The following LRRC28 variants were observed in gnomAD, a reference collection of about 807,000 sequenced individuals.
LRRC28 encodes leucine-rich repeat-containing protein 28.
Under a neutral mutation model 45.7 loss-of-function variants are expected in LRRC28, and 39 were observed. The observed-to-expected ratio is 0.85, with a 90% CI of 0.66 to 1.12. The LOEUF is 1.12. LRRC28 is among the 50% of genes most tolerant of loss of function. The pLI, the probability that LRRC28 is intolerant of heterozygous loss-of-function variation, is 0.00. For synonymous variants in LRRC28, 206 were observed against 178.8 expected (o/e 1.15, Z -1.22); for missense variants, 435 against 438.5 (o/e 0.99, Z 0.07).
intron 5 of LRRC28, among the ~76,000 whole-genome samples, chr15:99,305,659 G>A (rs1437829686): frequency 1.3e-5 from 2 of 152,072 alleles, no homozygotes; most frequent in East Asian, 3.9e-4. Context: ...TTTTTTAAAA[G>A]CTCTATGATG....
At chr15:99,263,867 T>G (rs934097088) in intron 2 of LRRC28, among the ~76,000 whole-genome samples, 4 of 152,170 alleles carry the variant, frequency 2.6e-5, no homozygotes, top group Admixed American at 6.5e-5. Context: ...AGCTGCTGCT[T>G]CTTATGGAAT....
chr15:99,292,326 G>C (rs1285115048), intron 5 of LRRC28, among the ~76,000 whole-genome samples: 1 of 150,306 alleles, frequency 6.7e-6, no homozygotes, highest in Non-Finnish European at 1.5e-5. Context: ...GTGTGTGTCT[G>C]TGTTGAGCAG....
chr15:99,319,450 A>C (rs1955715781), intron 5 of LRRC28, among the ~76,000 whole-genome samples: 1 of 152,242 alleles, frequency 6.6e-6, no homozygotes, highest in Admixed American at 6.5e-5. Flanking sequence ...TTTAAAAATC[A>C]AAGACAATAT....
intron 6 of LRRC28, among the ~76,000 whole-genome samples, chr15:99,350,270 G>A (rs540866528): frequency 2.0e-5 from 3 of 152,214 alleles, no homozygotes; most frequent in East Asian, 1.9e-4. Flanking sequence ...GCTCTCATAC[G>A]TAGCTGGTAG....
At chr15:99,366,831 T>G (rs1597444046) in intron 9 of LRRC28, among the ~76,000 whole-genome samples, 2 of 152,152 alleles carry the variant, frequency 1.3e-5, no homozygotes, top group Non-Finnish European at 2.9e-5. Context: ...ACAGGAATTT[T>G]GGGGGCTATA....
intron 3 of LRRC28, among the ~76,000 whole-genome samples, chr15:99,282,177 G>GTCTTTTTTTTTTTTTTTTTTTTTTT (rs2081814879): frequency 1.0e-5 from 1 of 98,048 alleles, no homozygotes; most frequent in African/African-American, 4.8e-5. Flanking sequence ...ATTTTTGGAG[G>GTCTTTTTTTTTTTTTTTTTTTTTTT]TTTTTTTTTT....
chr15:99,305,986 C>A (rs1043808281), intron 5 of LRRC28, among the ~76,000 whole-genome samples: 1 of 152,198 alleles, frequency 6.6e-6, no homozygotes, highest in African/African-American at 2.4e-5. Context: ...TTATTTTTAA[C>A]AACATGATTA....
intron 6 of LRRC28, among the ~76,000 whole-genome samples, chr15:99,351,680 C>T (rs1176740958): frequency 1.3e-5 from 2 of 152,144 alleles, no homozygotes; most frequent in Non-Finnish European, 2.9e-5. Context: ...CACCTTTGCC[C>T]ATGGGAGGTG....
At chr15:99,378,718 A>G (rs1285525989) in intron 9 of LRRC28, among the ~76,000 whole-genome samples, 2 of 152,206 alleles carry the variant, frequency 1.3e-5, no homozygotes, top group South Asian at 2.1e-4. Context: ...CATCCCATCA[A>G]TACCTAATTT....
At chr15:99,338,470 C>G (rs1956400367) in intron 6 of LRRC28, 1 of 152,220 alleles carries the variant, frequency 6.6e-6, no homozygotes, top group Non-Finnish European at 1.5e-5. Flanking sequence ...CACATACACA[C>G]AGGCACACAC....
In LRRC28 at chr15:99,361,331, T is replaced by C. The variant is rs1957193421; in HGVS notation, c.696-5T>C. ...ATAATACTGTGAATGTGTGTCTTTCTGCAGCTGTGGTGCTCCCATTCAAGT... is the reference window on the plus strand; with the variant it reads ...ATAATACTGTGAATGTGTGTCTTTCCGCAGCTGTGGTGCTCCCATTCAAGT... On this transcript the variant is annotated splice_region_variant and splice_polypyrimidine_tract_variant and intron_variant, in intron 7 of 9. Coordinates refer to ENST00000301981, the MANE Select transcript of LRRC28 (RefSeq NM_144598.5). 2 of 1,608,590 alleles carry C rather than the reference T, an allele frequency of 1.2e-6. No individual in the cohort carries two copies. Among genetic ancestry groups the C allele is most frequent in the East Asian group, 4.5e-5 (2 of 44,828 alleles).
chr15:99,273,831 G>A (rs1038786863), intron 2 of LRRC28, among the ~76,000 whole-genome samples: 5 of 152,224 alleles, frequency 3.3e-5, no homozygotes, highest in Admixed American at 3.3e-4. Context: ...ATTAGCAGAT[G>A]AAACTAGGTG....
chr15:99,342,773 C>G (rs1396496756), intron 6 of LRRC28, among the ~76,000 whole-genome samples: 1 of 152,134 alleles, frequency 6.6e-6, no homozygotes, highest in African/African-American at 2.4e-5. Context: ...TCATTAAAAT[C>G]TATTTATTTT....
At chr15:99,323,449 A>G (rs1336049055) in intron 5 of LRRC28, among the ~76,000 whole-genome samples, 1 of 152,208 alleles carries the variant, frequency 6.6e-6, no homozygotes, top group Non-Finnish European at 1.5e-5. Context: ...GCGTTGTTTG[A>G]TAATTGCAGT....
intron 7 of LRRC28, among the ~76,000 whole-genome samples, chr15:99,359,954 C>T (rs1252118317): frequency 6.6e-6 from 1 of 152,186 alleles, no homozygotes; most frequent in African/African-American, 2.4e-5. Context: ...CTAAAGACTT[C>T]CCCATTTCTG....
intron 9 of LRRC28, among the ~76,000 whole-genome samples, chr15:99,382,185 C>G (rs546745851): frequency 2.6e-5 from 4 of 152,224 alleles, no homozygotes; most frequent in South Asian, 2.1e-4. Context: ...CCACCCAGTT[C>G]GAGCTTCCTG....
intron 6 of LRRC28, among the ~76,000 whole-genome samples, chr15:99,334,640 A>G (rs924529714): frequency 6.6e-6 from 1 of 152,180 alleles, no homozygotes; most frequent in African/African-American, 2.4e-5. Context: ...AAAAAATAAT[A>G]TATTATCCAC....
intron 2 of LRRC28, chr15:99,257,639 C>G (rs1333206867): frequency 7.0e-6 from 5 of 712,394 alleles, no homozygotes; most frequent in African/African-American, 6.9e-5. Context: ...TGTGAAGGCC[C>G]TGTGGGTGCT....
rs763301570 is a variant in LRRC28 at position 99,256,067 on chromosome 15, A to C, written c.110A>C (p.Asp37Ala). ...LHHFPLELLK[D>A]EGLQYLERLY... ...CATTTTCCATTGGAGTTACTGAAAG[A>C]TGAGGGACTGCAGTACTTGGAGAGA... Residue 37 changes from aspartate (D) to alanine (A), a missense_variant, in exon 2 of 10, where the codon GAT becomes GCT. Physicochemically the swap from Asp to Ala is moderately radical, Grantham distance 126. Transcript: ENST00000301981. 1 of 1,613,982 alleles carries C rather than the reference A, an allele frequency of 6.2e-7. No homozygotes were observed. Among genetic ancestry groups the C allele is most frequent in the African/African-American group, 1.3e-5 (1 of 75,056 alleles).
Sources: gnomAD v4.1 joint callset for allele counts (sites outside exome capture counted in the v4.1 genomes callset) on GRCh38, gnomAD v4.1.1 for gene constraint, MANE v1.5 for transcripts, NCBI Gene and HGNC (gene_info 2026-07-23, HGNC 2026-07-21) for gene names.